The following MNAT1 variants were observed in gnomAD, a reference collection of about 807,000 sequenced individuals.
MNAT1 encodes the protein CDK-activating kinase assembly factor MAT1.
A neutral mutation model predicts 42.0 loss-of-function variants in MNAT1; 43 were observed. The observed-to-expected ratio is 1.02, with a 90% CI of 0.80 to 1.32. The LOEUF (loss-of-function observed/expected upper bound fraction) is 1.32, where lower values mean the gene tolerates loss of function less well. Ranked by LOEUF, MNAT1 falls within the 40% of genes most tolerant of loss-of-function variation. The pLI, the probability that MNAT1 is intolerant of heterozygous loss-of-function variation, is 0.00. For missense variants in MNAT1, 306 were observed against 350.4 expected (o/e 0.87, Z 1.01); for synonymous variants, 118 against 120.0 (o/e 0.98, Z 0.11).
At chr14:60,965,298 G>A (rs983640054) in intron 7 of MNAT1, among the ~76,000 whole-genome samples, 8 of 152,178 alleles carry the variant, frequency 5.3e-5, no homozygotes, top group African/African-American at 1.9e-4. Flanking sequence ...CTATTTTCAA[G>A]CACTAATCAT....
intron 7 of MNAT1, among the ~76,000 whole-genome samples, chr14:60,944,257 G>C (rs943857064): frequency 1.3e-5 from 2 of 152,076 alleles, no homozygotes; most frequent in African/African-American, 4.8e-5. Context: ...ATCAGAGATC[G>C]TAAGTTTCTA....
chr14:60,738,253 ATTTT>A (rs68107318), intron 1 of MNAT1, among the ~76,000 whole-genome samples: 6 of 105,500 alleles, frequency 5.7e-5, no homozygotes, highest in Admixed American at 1.0e-4. Context: ...AACATCTTGG[ATTTT>A]TTTTTTTTTT....
chr14:60,763,617 A>T (rs1037856784), intron 1 of MNAT1, among the ~76,000 whole-genome samples: 2 of 152,158 alleles, frequency 1.3e-5, no homozygotes, highest in Non-Finnish European at 2.9e-5. Flanking sequence ...TGCTGTGTGT[A>T]TCGTCTGCCT....
chr14:60,853,085 G>A (rs1205818653), intron 6 of MNAT1, among the ~76,000 whole-genome samples: 3 of 152,162 alleles, frequency 2.0e-5, no homozygotes, highest in Non-Finnish European at 4.4e-5. Flanking sequence ...TGGGAAGAAA[G>A]TCACTGGTAG....
chr14:60,932,838 A>G (rs535171504), intron 7 of MNAT1, among the ~76,000 whole-genome samples: 112 of 152,180 alleles, frequency 7.4e-4, no homozygotes, highest in Non-Finnish European at 1.4e-3. Context: ...AATTTGGTGT[A>G]TACTGTGTTA....
intron 6 of MNAT1, among the ~76,000 whole-genome samples, chr14:60,841,766 T>A (rs1203586007): frequency 6.6e-6 from 1 of 152,234 alleles, no homozygotes; most frequent in East Asian, 1.9e-4. Context: ...TCCTTGCAAA[T>A]CTTGCTTTTA....
chr14:60,789,847 C>A (rs544511563), intron 1 of MNAT1, among the ~76,000 whole-genome samples: 1 of 152,256 alleles, frequency 6.6e-6, no homozygotes, highest in South Asian at 2.1e-4. Context: ...TTAACACATG[C>A]TGGCTAGGAG....
At chr14:60,825,026 A>C (rs189758701) in intron 6 of MNAT1, among the ~76,000 whole-genome samples, 84 of 152,300 alleles carry the variant, frequency 5.5e-4, no homozygotes, top group African/African-American at 2.0e-3. Context: ...AGTGGGAAAA[A>C]AACAAGCCAC....
At position 60,851,789 on chromosome 14, in the gene MNAT1, A is replaced by G. The variant is rs368993737; in HGVS notation, c.688-27925A>G. ...ACTGTTCCGCTCCCACTTATGAGTG[A>G]GAACATGCGGTGATTGGTTTTCTGA... On this transcript the variant is annotated intron_variant, in intron 6 of 7. Coordinates refer to ENST00000261245, the MANE Select transcript of MNAT1 (RefSeq NM_002431.4). Among the ~76,000 whole-genome samples, 50 of 152,224 alleles carry G rather than the reference A, an allele frequency of 3.3e-4. No individual in the cohort carries two copies. The South Asian group carries it at 1.0e-2, about 30-fold the overall frequency.
At chr14:60,764,841 T>A (rs1183448970) in intron 1 of MNAT1, among the ~76,000 whole-genome samples, 1 of 151,764 alleles carries the variant, frequency 6.6e-6, no homozygotes, top group Admixed American at 6.6e-5. Context: ...TAAGTAGGAG[T>A]AAGCTGTAAT....
chr14:60,843,590 T>C (rs2033605981), intron 6 of MNAT1, among the ~76,000 whole-genome samples: 1 of 152,176 alleles, frequency 6.6e-6, no homozygotes, highest in South Asian at 2.1e-4. Flanking sequence ...TTTTTATATC[T>C]CTTTTTGTGA....
At chr14:60,738,044 T>C (rs1225486139) in intron 1 of MNAT1, among the ~76,000 whole-genome samples, 4 of 141,074 alleles carry the variant, frequency 2.8e-5, no homozygotes, top group Non-Finnish European at 6.1e-5. Flanking sequence ...AGAGACGGGG[T>C]TTCAGCGTGT....
At chr14:60,865,888 A>G (rs2034191436) in intron 6 of MNAT1, among the ~76,000 whole-genome samples, 1 of 151,882 alleles carries the variant, frequency 6.6e-6, no homozygotes, top group Non-Finnish European at 1.5e-5. Flanking sequence ...ACTGTACTGA[A>G]GCTCCTCTGG....
chr14:60,832,929 A>G (rs574895179), intron 6 of MNAT1, among the ~76,000 whole-genome samples: 2 of 151,880 alleles, frequency 1.3e-5, no homozygotes, highest in Admixed American at 6.6e-5. Context: ...ATTTTATTCT[A>G]TTTGTAGCAA....
At chr14:60,825,754 G>A (rs567243030) in intron 6 of MNAT1, among the ~76,000 whole-genome samples, 1 of 152,020 alleles carries the variant, frequency 6.6e-6, no homozygotes, top group Non-Finnish European at 1.5e-5. Context: ...TTCTGATTCA[G>A]GTGTCCTCTG....
At chr14:60,861,237 C>A (rs913284313) in intron 6 of MNAT1, among the ~76,000 whole-genome samples, 11 of 151,890 alleles carry the variant, frequency 7.2e-5, no homozygotes, top group African/African-American at 2.4e-4. Context: ...TTGTATATTT[C>A]CAGAAAAAAT....
chr14:60,738,077 T>C (rs1364184338), intron 1 of MNAT1, among the ~76,000 whole-genome samples: 1 of 28,762 alleles, frequency 3.5e-5, no homozygotes, highest in African/African-American at 9.2e-5. Context: ...AAACCCTATC[T>C]TACAAAAAAA....
chr14:60,912,209 G>C (rs1594863830), intron 7 of MNAT1, among the ~76,000 whole-genome samples: 1 of 152,118 alleles, frequency 6.6e-6, no homozygotes, highest in Non-Finnish European at 1.5e-5. Context: ...TTGAGCCTAT[G>C]TGTGTCTGTG....
chr14:60,903,009 TTTTGGCTAGAAC>T, intron 7 of MNAT1, among the ~76,000 whole-genome samples: 1 of 151,992 alleles, frequency 6.6e-6, no homozygotes, highest in East Asian at 1.9e-4. Flanking sequence ...TTTTATTGTA[TTTTGGCTAGAAC>T]TTGTAGAACT....
Sources: gnomAD v4.1 joint callset for allele counts (sites outside exome capture counted in the v4.1 genomes callset) on GRCh38, gnomAD v4.1.1 for gene constraint, MANE v1.5 for transcripts, NCBI Gene and HGNC (gene_info 2026-07-23, HGNC 2026-07-21) for gene names.